The following DNAH14 variants were observed in gnomAD, a reference collection of about 807,000 sequenced individuals.
The protein encoded by DNAH14 is dynein axonemal heavy chain 14.
DNAH14 carries 478 observed loss-of-function variants against 520.9 expected under a neutral mutation model. The observed-to-expected ratio is 0.92, with a 90% CI of 0.85 to 0.99. The LOEUF (loss-of-function observed/expected upper bound fraction) is 0.99, where lower values mean the gene tolerates loss of function less well. Ranked by LOEUF, DNAH14 falls within the 50% of genes least tolerant of loss-of-function variation. The probability of loss-of-function intolerance (pLI) is 0.00; values close to 1 mark genes in which losing one functional copy is unlikely to be tolerated. For missense variants in DNAH14, 4,831 were observed against 5,234.5 expected (o/e 0.92, Z 2.38); for synonymous variants, 1,581 against 1,757.2 (o/e 0.90, Z 2.51).
intron 1 of DNAH14, among the ~76,000 whole-genome samples, chr1:224,932,944 A>AT (rs1571838972): frequency 6.6e-6 from 1 of 150,754 alleles, no homozygotes; most frequent in Non-Finnish European, 1.5e-5. Flanking sequence ...AATTTGGGGG[A>AT]TTTTTTTCTA....
intron 41 of DNAH14, 110 bp downstream of exon 41, chr1:225,207,330 T>G (rs1314594383): frequency 8.3e-7 from 1 of 1,207,128 alleles, no homozygotes; most frequent in Non-Finnish European, 1.1e-6. Context: ...GCATTTTTAG[T>G]CTATTTGGAC....
At chr1:225,275,455 C>G (rs572119637) in intron 52 of DNAH14, among the ~76,000 whole-genome samples, 12 of 152,138 alleles carry the variant, frequency 7.9e-5, no homozygotes, top group Non-Finnish European at 1.5e-4. Flanking sequence ...AAGAGGTAGC[C>G]CATGACCTTG....
intron 37 of DNAH14, 32 bp downstream of exon 37, chr1:225,185,457 A>C (rs1467428410): frequency 1.3e-6 from 2 of 1,493,876 alleles, no homozygotes; most frequent in Admixed American, 5.0e-5. Context: ...ATGTTTCTCT[A>C]TTTGTTCATA....
chr1:224,981,589 A>G (rs1572222419), intron 8 of DNAH14, among the ~76,000 whole-genome samples: 1 of 152,270 alleles, frequency 6.6e-6, no homozygotes, highest in Non-Finnish European at 1.5e-5. Context: ...TATTCATAGT[A>G]GCCTTGAATG....
In DNAH14 at chr1:225,340,514, T is replaced by C; in HGVS notation, c.10491T>C (p.Phe3497=). ...ATTTTCTTCCATCAGTTTATAACTT[T>C]GTTACTATGATCAACTTCACTGTAA... ...NPHFLPSVYN[F]VTMINFTVTF... The change falls in exon 69 of 86, where the codon TTT becomes TTC. Residue 3497 remains phenylalanine (F), a synonymous_variant. Coordinates refer to ENST00000682510, the MANE Select transcript of DNAH14 (RefSeq NM_001367479.1). The C allele has an allele frequency of 1.9e-6, 3 of 1,551,436 alleles. No homozygotes were observed. The highest frequency in any genetic ancestry group is 2.6e-6 in the Non-Finnish European group (3 of 1,146,848).
chr1:225,178,037 G>A (rs969946438), intron 36 of DNAH14, among the ~76,000 whole-genome samples: 12 of 152,164 alleles, frequency 7.9e-5, no homozygotes, highest in African/African-American at 2.9e-4. Context: ...GGGCAGAGCT[G>A]TCCAAGACCA....
chr1:225,099,673 A>G (rs1175620467), intron 22 of DNAH14, among the ~76,000 whole-genome samples: 1 of 152,170 alleles, frequency 6.6e-6, no homozygotes, highest in Non-Finnish European at 1.5e-5. Context: ...CAAAAATGGC[A>G]GAACAAGGGA....
chr1:225,139,031 A>C (rs575212263), intron 27 of DNAH14, among the ~76,000 whole-genome samples: 68 of 152,238 alleles, frequency 4.5e-4, no homozygotes, highest in African/African-American at 1.6e-3. Context: ...AATTAACATC[A>C]TATCCTTTTA....
At chr1:225,175,844 C>G (rs1314710222) in intron 36 of DNAH14, among the ~76,000 whole-genome samples, 2 of 151,758 alleles carry the variant, frequency 1.3e-5, no homozygotes, top group Non-Finnish European at 2.9e-5. Context: ...ACAAGCTCTG[C>G]ACCTCCAGGG....
intron 56 of DNAH14, 100 bp downstream of exon 56, chr1:225,301,130 A>C: frequency 1.5e-6 from 2 of 1,303,058 alleles, no homozygotes; most frequent in Non-Finnish European, 2.1e-6. Flanking sequence ...ATTTCTTTAG[A>C]TCTTTATATG....
chr1:225,021,694 A>C (rs745426415), intron 10 of DNAH14, among the ~76,000 whole-genome samples: 2 of 152,214 alleles, frequency 1.3e-5, no homozygotes, highest in Non-Finnish European at 2.9e-5. Context: ...AATATTGTTA[A>C]AATGGCCATA....
intron 74 of DNAH14, among the ~76,000 whole-genome samples, chr1:225,358,862 C>T (rs905567697): frequency 1.3e-5 from 2 of 152,186 alleles, no homozygotes; most frequent in Non-Finnish European, 2.9e-5. Context: ...AAGCACCTGG[C>T]ATTTCCCCTC....
At chr1:225,128,721 G>A (rs2078049823) in intron 27 of DNAH14, among the ~76,000 whole-genome samples, 1 of 152,134 alleles carries the variant, frequency 6.6e-6, no homozygotes, top group Admixed American at 6.5e-5. Context: ...TACTGAATGG[G>A]CAAAACCTGG....
intron 43 of DNAH14, 61 bp from the exon 44 acceptor site, chr1:225,252,240 T>C: frequency 5.8e-6 from 5 of 868,734 alleles, no homozygotes; most frequent in Non-Finnish European, 9.5e-6. Context: ...GTTTACATGG[T>C]TAGTGAAACA....
chr1:225,000,216 A>G (rs1021903487), intron 8 of DNAH14, among the ~76,000 whole-genome samples: 3 of 152,164 alleles, frequency 2.0e-5, no homozygotes, highest in African/African-American at 7.2e-5. Context: ...CAGCACTTGA[A>G]AAACATTGTG....
intron 60 of DNAH14, among the ~76,000 whole-genome samples, chr1:225,317,035 T>C (rs2094481020): frequency 6.6e-6 from 1 of 152,244 alleles, no homozygotes; most frequent in Non-Finnish European, 1.5e-5. Context: ...TTACATTTGG[T>C]ATAAGCAGCA....
intron 48 of DNAH14, 35 bp from the exon 49 acceptor site, chr1:225,266,606 A>G (rs1391530465): frequency 4.3e-6 from 6 of 1,389,770 alleles, no homozygotes; most frequent in Non-Finnish European, 5.7e-6. Context: ...AAGGTGTACT[A>G]ATATATATGT....
In DNAH14 at chr1:225,043,088, G is replaced by T; in HGVS notation, c.1742G>T (p.Ser581Ile). ...LPKAKKSKEI[S>I]YNLEDIISDT... ...AAAGCCAAGAAATCAAAAGAAATTAGTTACAATCTTGAAGATATTATTTCA... is the reference window on the plus strand; with the variant it reads ...AAAGCCAAGAAATCAAAAGAAATTATTTACAATCTTGAAGATATTATTTCA... The change falls in exon 13 of 86, where the codon AGT (serine) becomes ATT (isoleucine). Residue 581 changes from serine (S) to isoleucine (I), a missense_variant. Transcript: ENST00000682510. 1 of 1,550,974 alleles carries T rather than the reference G, an allele frequency of 6.4e-7. No homozygotes were observed. Among genetic ancestry groups the T allele is most frequent in the Non-Finnish European group, 8.7e-7 (1 of 1,146,898 alleles).
At chr1:225,278,356 A>G (rs2093542630) in intron 54 of DNAH14, among the ~76,000 whole-genome samples, 1 of 152,168 alleles carries the variant, frequency 6.6e-6, no homozygotes, top group Non-Finnish European at 1.5e-5. Flanking sequence ...TCAATTCATC[A>G]AGAAGCCCTG....
Sources: allele counts gnomAD v4.1 joint callset (sites outside exome capture counted in the v4.1 genomes callset), GRCh38; gene constraint gnomAD v4.1.1; transcripts MANE v1.5; gene names NCBI Gene and HGNC (gene_info 2026-07-23, HGNC 2026-07-21).